SEMA5B: variants seen among roughly 807,000 people sequenced by gnomAD.
SEMA5B encodes the protein semaphorin-5B.
A neutral mutation model predicts 135.0 loss-of-function variants in SEMA5B; 66 were observed. The ratio of observed to expected loss-of-function variants is 0.49; its 90% CI spans 0.40 to 0.60. The LOEUF (loss-of-function observed/expected upper bound fraction) is 0.60. Ranked by LOEUF, SEMA5B falls within the 20% of genes least tolerant of loss-of-function variation. The pLI, the probability that SEMA5B is intolerant of heterozygous loss-of-function variation, is 0.00. For missense variants in SEMA5B, 1,501 were observed against 1,566.3 expected (o/e 0.96, Z 0.70); for synonymous variants, 690 against 639.5 (o/e 1.08, Z -1.19).
intron 4 of SEMA5B, among the ~76,000 whole-genome samples, chr3:122,942,197 T>C (rs1939591434): frequency 6.6e-6 from 1 of 152,156 alleles, no homozygotes; most frequent in Admixed American, 6.5e-5. Context: ...GTGAGACTGG[T>C]GGCACAGAGA....
chr3:122,939,302 G>T, intron 5 of SEMA5B, 123 bp downstream of exon 5: 1 of 770,962 alleles, frequency 1.3e-6, no homozygotes, highest in Non-Finnish European at 2.3e-6. Context: ...CCAGTGAAAA[G>T]AACAAGTGGC....
chr3:123,008,969 A>G (rs1397656867), intron 1 of SEMA5B, among the ~76,000 whole-genome samples: 1 of 152,120 alleles, frequency 6.6e-6, no homozygotes. Context: ...CCACAAGTGC[A>G]CCTTTGATGT....
chr3:122,915,957 C>G, intron 12 of SEMA5B, 67 bp from the exon 13 acceptor site: 1 of 1,122,680 alleles, frequency 8.9e-7, no homozygotes, highest in East Asian at 2.4e-5. Flanking sequence ...CTCAGGAACA[C>G]ACGTGAACAC....
chr3:122,915,335 G>A lies in SEMA5B; in HGVS notation c.1988+105C>T, dbSNP rs888946376. On this transcript the variant is annotated intron_variant, in intron 14 of 22. Transcript: ENST00000357599. ...CCAGTCCCTAGCACAGCCCTGAAGT[G>A]GTTTCTGTCCCTTAGTGCAAACACC... 3.6e-6 allele frequency: 4 copies of A among 1,099,580 alleles called. No individual in the cohort carries two copies. The Admixed American group carries it at 6.7e-5, about 18-fold the overall frequency. 68.1% of individuals were successfully genotyped at this position (1,099,580 alleles called of 1,614,324 possible).
chr3:122,926,699 A>G, intron 8 of SEMA5B, 22 bp from the exon 9 acceptor site: 1 of 1,607,148 alleles, frequency 6.2e-7, no homozygotes, highest in South Asian at 1.1e-5. Context: ...GAAGAGGAAC[A>G]AGGGGCAGGG....
At chr3:122,982,020 G>A (rs1190586279) in intron 1 of SEMA5B, among the ~76,000 whole-genome samples, 1 of 152,270 alleles carries the variant, frequency 6.6e-6, no homozygotes, top group Non-Finnish European at 1.5e-5. Context: ...GGACCGTACA[G>A]TGGAGGGCTT....
Position 122,927,806 on chromosome 3 carries a change from G to A in SEMA5B, c.834C>T (p.Asn278=), listed in dbSNP as rs763825987. The A allele has an allele frequency of 1.5e-5, 21 of 1,444,334 alleles. No homozygotes were observed. Among genetic ancestry groups the A allele is most frequent in the Non-Finnish European group, 1.9e-5 (21 of 1,089,494 alleles). 89.5% of individuals were successfully genotyped at this position (1,444,334 alleles called of 1,614,324 possible). Residue 278 remains asparagine, a synonymous_variant, in exon 8 of 23, where the codon AAC becomes AAT. Coordinates refer to ENST00000357599, the MANE Select transcript of SEMA5B (RefSeq NM_001031702.4). ...CCTCCTTACCATTAAGCCACTTGGAGTTATATTGGGCAGTGCGAAGCGGTG... is the reference window on the plus strand; with the variant it reads ...CCTCCTTACCATTAAGCCACTTGGAATTATATTGGGCAGTGCGAAGCGGTG... ...SGPPLRTAQY[N]SKWLNEPNFV... is the part of the protein sequence containing the mutation.
intron 1 of SEMA5B, among the ~76,000 whole-genome samples, chr3:122,975,599 C>CA (rs1941290659): frequency 4.6e-5 from 7 of 152,230 alleles, no homozygotes. Context: ...TGCGGAAGCA[C>CA]ATAGCACTGT....
In SEMA5B at chr3:122,928,664, G is replaced by T. The variant is rs767143074; in HGVS notation, c.538-49C>A. 1.0e-4 allele frequency: 134 copies of T among 1,330,678 alleles called. 1 individual carries two copies. The South Asian group carries it at 1.6e-3, about 16-fold the overall frequency. The allele number at this position is 1,330,678 out of a possible 1,614,324, so 82.4% of individuals were successfully genotyped here. The stretch of plus-strand genomic sequence containing the variant: ...GACAGCACAGCTCTCCAGGTGCGAT[G>T]CTGGATATCTCACGCTCACACCACT... On this transcript the variant is annotated intron_variant, in intron 6 of 22. Coordinates refer to ENST00000357599, the MANE Select transcript of SEMA5B (RefSeq NM_001031702.4).
At chr3:122,994,215 G>A (rs546174867) in intron 1 of SEMA5B, among the ~76,000 whole-genome samples, 4 of 152,022 alleles carry the variant, frequency 2.6e-5, no homozygotes, top group South Asian at 4.2e-4. Flanking sequence ...AATTCATTTG[G>A]AGGGAAACCA....
chr3:122,912,324 CA>C lies in SEMA5B; in HGVS notation c.2743del (p.Cys915AlafsTer137). On this transcript the variant is annotated frameshift_variant, in exon 19 of 23. Transcript: ENST00000357599. LOFTEE classifies it high-confidence loss of function. ...TGAGCATGGAGACCATGAGGTCCAG[CA>C]GGACCAAGCACCCCGAACTGCAAGG... ...QACPVRGAWS[C>X]WTSWSPCSAS... is the part of the protein sequence containing the mutation. 6 of 1,603,670 alleles carry C rather than the reference CA, an allele frequency of 3.7e-6. No homozygotes were observed. Among genetic ancestry groups the C allele is most frequent in the Non-Finnish European group, 5.1e-6 (6 of 1,175,142 alleles).
At position 122,921,143 on chromosome 3, in the gene SEMA5B, G is replaced by A. The variant is rs181633558; in HGVS notation, c.1688+772C>T. ...CCCAATCTTGAGGACAGATGGCACAGCCAGGACTCTCGGTTGCAAAGGCCA... is the reference window on the plus strand; with the variant it reads ...CCCAATCTTGAGGACAGATGGCACAACCAGGACTCTCGGTTGCAAAGGCCA... On this transcript the variant is annotated intron_variant, in intron 12 of 22. Coordinates refer to ENST00000357599, the MANE Select transcript of SEMA5B (RefSeq NM_001031702.4). Among the ~76,000 whole-genome samples the A allele has an allele frequency of 1.3e-4, 20 of 152,282 alleles. No homozygotes were observed. In the East Asian group the frequency reaches 3.9e-3, roughly 29 times the overall value.
intron 1 of SEMA5B, among the ~76,000 whole-genome samples, chr3:123,003,957 G>A (rs1447064625): frequency 2.0e-5 from 3 of 152,180 alleles, no homozygotes; most frequent in Admixed American, 1.3e-4. Flanking sequence ...ATGACTTCTG[G>A]TGGCTCTTTA....
chr3:123,011,348 A>G (rs985657652), intron 1 of SEMA5B, among the ~76,000 whole-genome samples: 8 of 152,226 alleles, frequency 5.3e-5, no homozygotes, highest in African/African-American at 1.7e-4. Context: ...TGGTCACCCC[A>G]TTCAGCCTCT....
intron 2 of SEMA5B, among the ~76,000 whole-genome samples, chr3:122,951,830 C>T (rs973978096): frequency 6.6e-6 from 1 of 152,120 alleles, no homozygotes; most frequent in Non-Finnish European, 1.5e-5. Context: ...AGAGTTTTGC[C>T]CCAACCCTTC....
chr3:122,952,622 C>T (rs1168969191), intron 2 of SEMA5B, among the ~76,000 whole-genome samples: 1 of 152,198 alleles, frequency 6.6e-6, no homozygotes, highest in Non-Finnish European at 1.5e-5. Context: ...TTCTGGTGCT[C>T]TGGGGAAAGA....
In SEMA5B at chr3:122,929,219, G is replaced by C. The variant is rs370710147; in HGVS notation, c.475-161C>G. Among the ~76,000 whole-genome samples, 11 of 152,320 alleles carry C rather than the reference G, an allele frequency of 7.2e-5. 2 individuals carry two copies. Among genetic ancestry groups the C allele is most frequent in the Admixed American group, 6.5e-5 (1 of 15,308 alleles). On this transcript the variant is annotated intron_variant, in intron 5 of 22. Transcript: ENST00000357599. ...CTCCTCTCACTACATCCACATGGAC[G>C]TGGGAGGGCTCCCAATCTCCTTACC...
At chr3:122,984,494 C>G (rs9831107) in intron 1 of SEMA5B, among the ~76,000 whole-genome samples, 64,755 of 152,072 alleles carry the variant, frequency 0.43, 16,612 homozygotes, top group African/African-American at 0.73. Flanking sequence ...CTGTTTGGGC[C>G]CATGTCTTTG....
rs111324354 is a variant in SEMA5B at position 123,025,515 on chromosome 3, C to T, written c.-39+1949G>A. 8.6e-3 allele frequency among the ~76,000 whole-genome samples: 1,306 copies of T among 152,284 alleles called. 16 individuals carry two copies. The highest frequency in any genetic ancestry group is 0.029 in the African/African-American group (1,202 of 41,560). On this transcript the variant is annotated intron_variant, in intron 1 of 22. Transcript: ENST00000357599. The stretch of plus-strand genomic sequence containing the variant: ...TAGGTGCTTAAACAGTGTTAGATGT[C>T]CACGGTGATGATTATGGTCGCTACT...
Sources: allele counts gnomAD v4.1 joint callset (sites outside exome capture counted in the v4.1 genomes callset), GRCh38; gene constraint gnomAD v4.1.1; transcripts MANE v1.5; gene names NCBI Gene and HGNC (gene_info 2026-07-23, HGNC 2026-07-21).